The following PTPRJ variants were observed in gnomAD, a reference collection of about 807,000 sequenced individuals.
PTPRJ encodes protein tyrosine phosphatase receptor type J.
Under a neutral mutation model 141.3 loss-of-function variants are expected in PTPRJ, and 129 were observed. That is an observed-to-expected ratio of 0.91 (90% CI 0.79 to 1.06). PTPRJ has a LOEUF of 1.06. Ranked by LOEUF, PTPRJ falls within the 50% of genes least tolerant of loss-of-function variation. The pLI is 0.00. For missense variants in PTPRJ, 1,601 were observed against 1,679.7 expected (o/e 0.95, Z 0.82); for synonymous variants, 610 against 640.5 (o/e 0.95, Z 0.72).
chr11:48,010,007 C>G (rs1854739150), intron 1 of PTPRJ, among the ~76,000 whole-genome samples: 1 of 152,114 alleles, frequency 6.6e-6, no homozygotes, highest in Non-Finnish European at 1.5e-5. Flanking sequence ...TCTGGGGACT[C>G]CCCATCCCAA....
At chr11:48,002,026 C>G (rs1330793583) in intron 1 of PTPRJ, among the ~76,000 whole-genome samples, 2 of 152,100 alleles carry the variant, frequency 1.3e-5, no homozygotes, top group Non-Finnish European at 2.9e-5. Flanking sequence ...TAAGGGAGTA[C>G]AACTTTTCAG....
chr11:47,988,876 CTTGTTTTTTTTT>C (rs1408179071), intron 1 of PTPRJ, among the ~76,000 whole-genome samples: 2 of 107,806 alleles, frequency 1.9e-5, no homozygotes, highest in Non-Finnish European at 3.6e-5. Flanking sequence ...AAAATTGTAT[CTTGTTTTTTTTT>C]TTTTTTTTTT....
chr11:48,121,172 A>G lies in PTPRJ; in HGVS notation c.522A>G (p.Thr174=). 6.2e-7 allele frequency: 1 copy of G among 1,614,146 alleles called. No homozygotes were observed. The highest frequency in any genetic ancestry group is 8.5e-7 in the Non-Finnish European group (1 of 1,179,974). The change falls in exon 4 of 25, where the codon ACA becomes ACG. Residue 174 remains threonine, a synonymous_variant. Coordinates refer to ENST00000418331, the MANE Select transcript of PTPRJ (RefSeq NM_002843.4). The stretch of plus-strand genomic sequence containing the variant: ...TGCATCAACCATGGTGTAACATCAC[A>G]GGCTTACGTCCAGCGACTTCATATG... ...TVVHQPWCNI[T]GLRPATSYVF... is the part of the protein sequence containing the mutation.
intron 1 of PTPRJ, among the ~76,000 whole-genome samples, chr11:47,983,586 G>C (rs1359729339): frequency 6.6e-6 from 1 of 152,222 alleles, no homozygotes; most frequent in East Asian, 1.9e-4. Context: ...CCTTTTCTAA[G>C]ACAGGAAGGA....
chr11:47,987,692 G>A (rs576840494), intron 1 of PTPRJ, among the ~76,000 whole-genome samples: 2 of 152,224 alleles, frequency 1.3e-5, no homozygotes, highest in South Asian at 4.1e-4. Context: ...GACCAGAGAA[G>A]CCCAGAGCAG....
intron 1 of PTPRJ, among the ~76,000 whole-genome samples, chr11:48,077,734 T>C (rs766577437): frequency 1.3e-5 from 2 of 152,218 alleles, no homozygotes; most frequent in Admixed American, 6.5e-5. Context: ...TCATAATGGC[T>C]CATGAATCCC....
At chr11:48,066,642 G>A (rs1024811583) in intron 1 of PTPRJ, among the ~76,000 whole-genome samples, 2 of 151,456 alleles carry the variant, frequency 1.3e-5, no homozygotes, top group Non-Finnish European at 2.9e-5. Flanking sequence ...CTGGAGTGCG[G>A]TGGTGCCATC....
At chr11:48,027,509 G>C (rs566504490) in intron 1 of PTPRJ, among the ~76,000 whole-genome samples, 7 of 151,926 alleles carry the variant, frequency 4.6e-5, no homozygotes, top group Non-Finnish European at 8.8e-5. Context: ...CTTCAGTGTC[G>C]TCTGGGTGCA....
chr11:48,100,175 G>T (rs1409628056), intron 1 of PTPRJ, among the ~76,000 whole-genome samples: 1 of 152,186 alleles, frequency 6.6e-6, no homozygotes, highest in Non-Finnish European at 1.5e-5. Context: ...GACAGAAGGA[G>T]ACAAGAATGT....
intron 1 of PTPRJ, among the ~76,000 whole-genome samples, chr11:48,051,446 C>T (rs558992489): frequency 4.6e-5 from 7 of 152,152 alleles, no homozygotes; most frequent in Non-Finnish European, 2.9e-5. Context: ...CTTTTCCCCC[C>T]ACCCATGGCA....
intron 1 of PTPRJ, among the ~76,000 whole-genome samples, chr11:48,086,809 A>C (rs907054313): frequency 2.0e-5 from 3 of 152,220 alleles, no homozygotes; most frequent in African/African-American, 7.2e-5. Context: ...GTGCTTTAAA[A>C]AATGTCTGTG....
At chr11:48,127,050 G>T (rs570076597) in intron 6 of PTPRJ, among the ~76,000 whole-genome samples, 2 of 152,202 alleles carry the variant, frequency 1.3e-5, no homozygotes, top group Admixed American at 6.5e-5. Flanking sequence ...CCCAGAGCAG[G>T]AGGTGATGGA....
At chr11:48,107,307 A>C (rs1168375267) in intron 1 of PTPRJ, among the ~76,000 whole-genome samples, 3 of 151,928 alleles carry the variant, frequency 2.0e-5, no homozygotes, top group Admixed American at 1.3e-4. Flanking sequence ...AGAAAGGAGG[A>C]TGTGAAACTA....
chr11:47,988,001 T>G (rs1854092940), intron 1 of PTPRJ, among the ~76,000 whole-genome samples: 1 of 152,276 alleles, frequency 6.6e-6, no homozygotes, highest in Admixed American at 6.5e-5. Flanking sequence ...CCTGTTGCCA[T>G]TTCTGAAACT....
At chr11:48,075,971 C>T (rs1855388631) in intron 1 of PTPRJ, among the ~76,000 whole-genome samples, 1 of 152,210 alleles carries the variant, frequency 6.6e-6, no homozygotes, top group Non-Finnish European at 1.5e-5. Flanking sequence ...AAGTCCTGGT[C>T]ATCCCATTTC....
At chr11:48,135,503 A>ACAGAGCCT (rs1337471233) in intron 8 of PTPRJ, among the ~76,000 whole-genome samples, 1 of 61,348 alleles carries the variant, frequency 1.6e-5, no homozygotes, top group Non-Finnish European at 2.9e-5. Flanking sequence ...TTTTTTTGAG[A>ACAGAGCCT]CAGAGCCTCA....
chr11:47,985,088 T>C (rs1325107742), intron 1 of PTPRJ, among the ~76,000 whole-genome samples: 1 of 151,482 alleles, frequency 6.6e-6, no homozygotes, highest in East Asian at 1.9e-4. Flanking sequence ...CCTGACCTCA[T>C]GATCTGCCCA....
intron 1 of PTPRJ, among the ~76,000 whole-genome samples, chr11:48,077,711 C>T (rs1018652706): frequency 3.3e-5 from 5 of 152,174 alleles, no homozygotes; most frequent in Non-Finnish European, 5.9e-5. Context: ...TTCCCTGCTC[C>T]GAAATCCTGA....
At chr11:48,021,429 A>T (rs575904443) in intron 1 of PTPRJ, among the ~76,000 whole-genome samples, 1 of 149,722 alleles carries the variant, frequency 6.7e-6, no homozygotes, top group South Asian at 2.1e-4. Flanking sequence ...ATAAAATAAA[A>T]TAAAATAAAT....
Sources: allele counts gnomAD v4.1 joint callset (sites outside exome capture counted in the v4.1 genomes callset), GRCh38; gene constraint gnomAD v4.1.1; transcripts MANE v1.5; gene names NCBI Gene and HGNC (gene_info 2026-07-23, HGNC 2026-07-21).